MYO16: variants seen among roughly 807,000 people sequenced by gnomAD.
The protein encoded by MYO16 is unconventional myosin-XVI.
In MYO16, 94 loss-of-function variants were observed where a neutral mutation model predicts 205.3. The observed-to-expected ratio is 0.46, with a 90% CI of 0.39 to 0.54. MYO16 has a LOEUF of 0.54. Ranked by LOEUF, MYO16 falls within the 20% of genes least tolerant of loss-of-function variation. The pLI is 0.00. For synonymous variants in MYO16, 988 were observed against 954.0 expected (o/e 1.04, Z -0.66); for missense variants, 2,315 against 2,387.5 (o/e 0.97, Z 0.63).
At chr13:109,170,131 GA>G (rs66502953) in intron 33 of MYO16, among the ~76,000 whole-genome samples, 146,547 of 148,184 alleles carry the variant, frequency 0.99, 72,477 homozygotes, top group East Asian at 1. Context: ...AAAGAAAAAA[GA>G]AAAAAAAAAA....
chr13:109,094,681 C>T (rs1888724316), intron 27 of MYO16, among the ~76,000 whole-genome samples: 1 of 152,170 alleles, frequency 6.6e-6, no homozygotes, highest in Non-Finnish European at 1.5e-5. Context: ...CCCTAGCCCC[C>T]AACCCCTTGA....
intron 1 of MYO16, among the ~76,000 whole-genome samples, chr13:108,599,209 T>C (rs1402480843): frequency 6.6e-6 from 1 of 150,980 alleles, no homozygotes; most frequent in Non-Finnish European, 1.5e-5. Flanking sequence ...CCATGGTGTA[T>C]ATGTGCCACA....
intron 27 of MYO16, among the ~76,000 whole-genome samples, chr13:109,059,860 C>G (rs1189993922): frequency 6.6e-6 from 1 of 152,108 alleles, no homozygotes; most frequent in Admixed American, 6.5e-5. Context: ...GTGGTATTGC[C>G]TAGGTTTTCT....
rs550746619 is a variant in MYO16 at position 108,807,267 on chromosome 13, A to G, written c.867+463A>G. ...TAACAATCACATCTAGTAAATTTGT[A>G]GTAAGTTAGATCTTTAAGAGACTAA... On this transcript the variant is annotated intron_variant, in intron 7 of 34. Coordinates refer to ENST00000457511, the MANE Select transcript of MYO16 (RefSeq NM_001198950.3). 9.2e-5 allele frequency among the ~76,000 whole-genome samples: 14 copies of G among 152,278 alleles called. No homozygotes were observed. In the East Asian group the frequency reaches 2.7e-3, roughly 29 times the overall value.
At chr13:109,022,337 ATATT>A (rs1886073713) in intron 23 of MYO16, among the ~76,000 whole-genome samples, 1 of 111,934 alleles carries the variant, frequency 8.9e-6, no homozygotes, top group Non-Finnish European at 1.8e-5. Context: ...ATATATTTAT[ATATT>A]ATATACAAAT....
At chr13:108,991,352 C>T (rs1177035244) in intron 20 of MYO16, among the ~76,000 whole-genome samples, 2 of 152,000 alleles carry the variant, frequency 1.3e-5, no homozygotes, top group East Asian at 1.9e-4. Context: ...ATTCTATTTC[C>T]AAGAGTGATA....
chr13:109,157,869 T>C (rs1406411346), intron 32 of MYO16, among the ~76,000 whole-genome samples: 1 of 152,186 alleles, frequency 6.6e-6, no homozygotes, highest in East Asian at 1.9e-4. Flanking sequence ...CCTTTTCTTC[T>C]TGCACTTACC....
chr13:108,674,558 A>G (rs1177422941), intron 2 of MYO16, among the ~76,000 whole-genome samples: 1 of 152,198 alleles, frequency 6.6e-6, no homozygotes, highest in Non-Finnish European at 1.5e-5. Flanking sequence ...TGGCAGTTTG[A>G]AAATGCGATG....
At chr13:108,814,732 G>T (rs930354102) in intron 7 of MYO16, among the ~76,000 whole-genome samples, 31 of 35,594 alleles carry the variant, frequency 8.7e-4, no homozygotes. Context: ...AGGGAATCTA[G>T]CAATAGGGCA....
At chr13:108,841,997 G>T (rs566468723) in intron 9 of MYO16, among the ~76,000 whole-genome samples, 1 of 152,134 alleles carries the variant, frequency 6.6e-6, no homozygotes, top group South Asian at 2.1e-4. Context: ...TTAATAATTG[G>T]TACTAGGAAA....
chr13:109,023,176 G>A (rs1205554473), intron 23 of MYO16, among the ~76,000 whole-genome samples: 2 of 123,772 alleles, frequency 1.6e-5, no homozygotes, highest in African/African-American at 6.1e-5. Flanking sequence ...ACAAATTTAT[G>A]TATATATTTA....
At chr13:108,710,995 C>G (rs1883697359) in intron 2 of MYO16, among the ~76,000 whole-genome samples, 1 of 152,128 alleles carries the variant, frequency 6.6e-6, no homozygotes, top group Non-Finnish European at 1.5e-5. Flanking sequence ...ACTTTCTATT[C>G]TCATGAAAGG....
chr13:108,658,472 T>A (rs1392530661), intron 1 of MYO16, among the ~76,000 whole-genome samples: 1 of 150,720 alleles, frequency 6.6e-6, no homozygotes, highest in African/African-American at 2.4e-5. Context: ...TCTAAATTCA[T>A]GTGCCAGATA....
chr13:108,707,915 G>A (rs1190432921), intron 2 of MYO16, among the ~76,000 whole-genome samples: 1 of 152,062 alleles, frequency 6.6e-6, no homozygotes, highest in Non-Finnish European at 1.5e-5. Flanking sequence ...ATTCTAATGG[G>A]GGCAGAAATA....
At chr13:108,555,563 A>C in the MYO16 span, among the ~76,000 whole-genome samples, 1 of 152,242 alleles carries the variant, frequency 6.6e-6, no homozygotes, top group Non-Finnish European at 1.5e-5. Flanking sequence ...TAACATAAGC[A>C]TTGCCTCACA....
chr13:108,793,476 T>A, intron 5 of MYO16, 40 bp from the exon 6 acceptor site: 1 of 1,601,160 alleles, frequency 6.2e-7, no homozygotes, highest in Non-Finnish European at 8.5e-7. Flanking sequence ...AACTGAGAAG[T>A]ATCTCTCCAT....
At chr13:108,885,516 A>G (rs1427201830) in intron 13 of MYO16, among the ~76,000 whole-genome samples, 4 of 152,214 alleles carry the variant, frequency 2.6e-5, no homozygotes, top group Non-Finnish European at 5.9e-5. Context: ...TTGTCTGTCC[A>G]GTTTCCTGGT....
chr13:108,616,527 C>T (rs1250690982), intron 1 of MYO16, among the ~76,000 whole-genome samples: 1 of 152,074 alleles, frequency 6.6e-6, no homozygotes, highest in African/African-American at 2.4e-5. Flanking sequence ...GAACCATGGG[C>T]AGTAATCCTT....
At chr13:109,203,341 A>T (rs989219596) in intron 34 of MYO16, among the ~76,000 whole-genome samples, 1 of 152,216 alleles carries the variant, frequency 6.6e-6, no homozygotes, top group Non-Finnish European at 1.5e-5. Flanking sequence ...GAGCTCAAAC[A>T]AATTAGCAAG....
Sources: gnomAD v4.1 joint callset for allele counts (sites outside exome capture counted in the v4.1 genomes callset) on GRCh38, gnomAD v4.1.1 for gene constraint, MANE v1.5 for transcripts, NCBI Gene and HGNC (gene_info 2026-07-23, HGNC 2026-07-21) for gene names.